The following ZCCHC7 variants were observed in gnomAD, a reference collection of about 807,000 sequenced individuals.
The protein encoded by ZCCHC7 is zinc finger CCHC-type containing 7, also known as zinc finger CCHC domain-containing protein 7.
A neutral mutation model predicts 52.0 loss-of-function variants in ZCCHC7; 35 were observed. That is an observed-to-expected ratio of 0.67 (90% confidence interval 0.51 to 0.89). ZCCHC7 has a LOEUF of 0.89. Among genes scored for constraint, ZCCHC7 ranks in the 40% least tolerant of loss-of-function variants. ZCCHC7 has a pLI of 0.00. For synonymous variants in ZCCHC7, 217 were observed against 221.5 expected (o/e 0.98, Z 0.18); for missense variants, 574 against 649.1 (o/e 0.88, Z 1.26).
At position 37,327,846 on chromosome 9, in the gene ZCCHC7, C is replaced by T; in HGVS notation, c.987+12C>T. 1 of 1,612,728 alleles carries T rather than the reference C, an allele frequency of 6.2e-7. No homozygotes were observed. The highest frequency in any genetic ancestry group is 8.5e-7 in the Non-Finnish European group (1 of 1,179,034). ...AGTATCACCTAACGGTGAGTAGAAA[C>T]ACCTTTTTTATTTTCCCCAAGACCT... On this transcript the variant is annotated intron_variant, in intron 6 of 8. Coordinates refer to ENST00000336755, the MANE Select transcript of ZCCHC7 (RefSeq NM_032226.3).
At chr9:37,138,319 C>T (rs1046602384) in intron 2 of ZCCHC7, among the ~76,000 whole-genome samples, 3 of 152,078 alleles carry the variant, frequency 2.0e-5, no homozygotes, top group African/African-American at 4.8e-5. Context: ...GAATGAAAAT[C>T]TCATTAGAAA....
chr9:37,320,947 A>G (rs1433059613), intron 5 of ZCCHC7, among the ~76,000 whole-genome samples: 1 of 147,578 alleles, frequency 6.8e-6, no homozygotes, highest in African/African-American at 2.5e-5. Context: ...AGTATTTGTT[A>G]TTTATGATGG....
rs1313425688 is a variant in ZCCHC7 at position 37,357,868 on chromosome 9, T to C, written c.*600T>C. On this transcript the variant is annotated 3_prime_UTR_variant, in exon 9 of 9. Coordinates refer to ENST00000336755, the MANE Select transcript of ZCCHC7 (RefSeq NM_032226.3). ...TCAGCAAAATACAGGAAAAGAACTA[T>C]CCAGTATAAATGTCAGAAGACAGAT... 6.6e-6 allele frequency: 1 copy of C among 152,068 alleles called. No individual in the cohort carries two copies. Among genetic ancestry groups the C allele is most frequent in the Non-Finnish European group, 1.5e-5 (1 of 68,008 alleles). The allele number at this position is 152,068 out of a possible 1,614,324, so 9.4% of individuals were successfully genotyped here. A position where few individuals can be genotyped will look rare whatever the true frequency, so the allele number is the denominator to read the frequency against.
chr9:37,255,300 T>C (rs1404565330), intron 2 of ZCCHC7, among the ~76,000 whole-genome samples: 1 of 152,072 alleles, frequency 6.6e-6, no homozygotes, highest in Non-Finnish European at 1.5e-5. Context: ...ATTGTAAGCA[T>C]TGTGATGTAG....
intron 2 of ZCCHC7, among the ~76,000 whole-genome samples, chr9:37,213,810 C>T (rs934217687): frequency 2.0e-5 from 3 of 152,022 alleles, no homozygotes; most frequent in African/African-American, 4.8e-5. Context: ...TATTATCTTG[C>T]ACATTGTTTT....
At chr9:37,137,163 A>T (rs1472808976) in intron 2 of ZCCHC7, among the ~76,000 whole-genome samples, 3 of 152,244 alleles carry the variant, frequency 2.0e-5, no homozygotes, top group African/African-American at 7.2e-5. Flanking sequence ...GCATGACAGT[A>T]TGGAAAGTTC....
At chr9:37,149,254 A>AG (rs1464112760) in intron 2 of ZCCHC7, among the ~76,000 whole-genome samples, 1 of 152,182 alleles carries the variant, frequency 6.6e-6, no homozygotes, top group African/African-American at 2.4e-5. Flanking sequence ...TAAGGAATAA[A>AG]TAAGTACTCT....
At position 37,296,925 on chromosome 9, in the gene ZCCHC7, G is replaced by A. The variant is rs188565445; in HGVS notation, c.611-5263G>A. On this transcript the variant is annotated intron_variant, in intron 2 of 8. Coordinates refer to ENST00000336755, the MANE Select transcript of ZCCHC7 (RefSeq NM_032226.3). ...TGTGTGTGTGTGTGTGTGTGTGTGT[G>A]TGTTTCGTAGAGATGAGGTCTCACT... Among the ~76,000 whole-genome samples the A allele has an allele frequency of 3.4e-3, 498 of 144,792 alleles. 4 individuals carry two copies. The highest frequency in any genetic ancestry group is 4.8e-3 in the Non-Finnish European group (315 of 65,118). The allele number at this position is 144,792 out of a possible 152,430, so 95.0% of individuals were successfully genotyped here.
chr9:37,232,589 G>T (rs1419177019), intron 2 of ZCCHC7, among the ~76,000 whole-genome samples: 6 of 152,090 alleles, frequency 3.9e-5, no homozygotes, highest in Admixed American at 3.9e-4. Flanking sequence ...GCTAAGAAGG[G>T]CTTTAACTTT....
intron 2 of ZCCHC7, among the ~76,000 whole-genome samples, chr9:37,175,166 A>G (rs1178978400): frequency 6.6e-6 from 1 of 152,140 alleles, no homozygotes; most frequent in African/African-American, 2.4e-5. Flanking sequence ...GGTATAGTCA[A>G]GGTACCTGAT....
chr9:37,147,585 A>C (rs530494466), intron 2 of ZCCHC7: 1 of 151,962 alleles, frequency 6.6e-6, no homozygotes, highest in South Asian at 2.1e-4. Flanking sequence ...CTGCTAGTTA[A>C]ATTTTATATT....
chr9:37,153,324 C>T (rs1266898710), intron 2 of ZCCHC7, among the ~76,000 whole-genome samples: 1 of 151,892 alleles, frequency 6.6e-6, no homozygotes, highest in Non-Finnish European at 1.5e-5. Context: ...GTGCCCGCCA[C>T]CATGCCTGGC....
intron 2 of ZCCHC7, among the ~76,000 whole-genome samples, chr9:37,295,832 A>G (rs1218195881): frequency 6.6e-6 from 1 of 152,202 alleles, no homozygotes; most frequent in Non-Finnish European, 1.5e-5. Context: ...CACTATGGGC[A>G]TATATGACAT....
At chr9:37,122,049 C>G (rs1465248433) in intron 1 of ZCCHC7, among the ~76,000 whole-genome samples, 1 of 152,170 alleles carries the variant, frequency 6.6e-6, no homozygotes, top group East Asian at 1.9e-4. Flanking sequence ...GAAAATTGGA[C>G]TGAAAATGAG....
intron 2 of ZCCHC7, among the ~76,000 whole-genome samples, chr9:37,228,377 T>TTTTA (rs554162737): frequency 2.0e-5 from 3 of 152,122 alleles, no homozygotes; most frequent in East Asian, 1.9e-4. Context: ...ATAAAGGTGA[T>TTTTA]TTTATTTATT....
intron 2 of ZCCHC7, among the ~76,000 whole-genome samples, chr9:37,168,980 C>T (rs1400068505): frequency 2.0e-5 from 3 of 152,088 alleles, no homozygotes; most frequent in Non-Finnish European, 2.9e-5. Flanking sequence ...GTTCCAGGAC[C>T]CTTCCTACAT....
chr9:37,283,589 C>G (rs1292280433), intron 2 of ZCCHC7, among the ~76,000 whole-genome samples: 2 of 151,998 alleles, frequency 1.3e-5, no homozygotes, highest in East Asian at 3.9e-4. Flanking sequence ...TAATAATATA[C>G]TTTTATTTGA....
chr9:37,183,762 A>T (rs917330604), intron 2 of ZCCHC7, among the ~76,000 whole-genome samples: 3 of 152,232 alleles, frequency 2.0e-5, no homozygotes, highest in Non-Finnish European at 2.9e-5. Flanking sequence ...AATGAATTTT[A>T]TCTCTCATTT....
At chr9:37,332,619 A>ATT (rs531986596) in intron 6 of ZCCHC7, among the ~76,000 whole-genome samples, 1 of 147,462 alleles carries the variant, frequency 6.8e-6, no homozygotes, top group Non-Finnish European at 1.5e-5. Context: ...AAGTCAACTG[A>ATT]TTTTTTTTTT....
Sources: allele counts gnomAD v4.1 joint callset (sites outside exome capture counted in the v4.1 genomes callset), GRCh38; gene constraint gnomAD v4.1.1; transcripts MANE v1.5; gene names NCBI Gene and HGNC (gene_info 2026-07-23, HGNC 2026-07-21).